TMPRSS15: variants seen among roughly 807,000 people sequenced by gnomAD.
TMPRSS15 encodes enteropeptidase.
TMPRSS15 carries 128 observed loss-of-function variants against 125.3 expected under a neutral mutation model. The observed-to-expected ratio is 1.02, with a 90% CI of 0.89 to 1.18. The LOEUF is 1.18. TMPRSS15 is among the 50% of genes most tolerant of loss of function. The pLI is 0.00. For synonymous variants in TMPRSS15, 446 were observed against 423.2 expected (o/e 1.05, Z -0.66); for missense variants, 1,283 against 1,212.7 (o/e 1.06, Z -0.86).
At chr21:18,443,961 C>T (rs1354452314) in intron 1 of TMPRSS15, among the ~76,000 whole-genome samples, 1 of 152,150 alleles carries the variant, frequency 6.6e-6, no homozygotes, top group Non-Finnish European at 1.5e-5. Context: ...GTGGGCAATT[C>T]CTGCTAGAGC....
At chr21:18,398,103 C>T in intron 2 of TMPRSS15, 96 bp downstream of exon 2, 1 of 1,461,150 alleles carries the variant, frequency 6.8e-7, no homozygotes, top group Non-Finnish European at 9.6e-7. Context: ...GGGCATATTA[C>T]ATTTATTCTC....
intron 14 of TMPRSS15, 98 bp from the exon 15 acceptor site, chr21:18,329,392 C>A (rs1016589508): frequency 7.8e-7 from 1 of 1,286,238 alleles, no homozygotes; most frequent in South Asian, 1.5e-5. Context: ...AAAAAAAAAT[C>A]AATTTTTTTT....
chr21:18,443,494 C>T (rs780818100), intron 1 of TMPRSS15, among the ~76,000 whole-genome samples: 1 of 152,192 alleles, frequency 6.6e-6, no homozygotes, highest in Non-Finnish European at 1.5e-5. Flanking sequence ...CCCCGGTCTC[C>T]CCACTGCACT....
chr21:18,319,422 A>AT (rs35796863), intron 16 of TMPRSS15, among the ~76,000 whole-genome samples: 22,186 of 105,204 alleles, frequency 0.21, 2,875 homozygotes, highest in South Asian at 0.31. Flanking sequence ...TTCTTCACCG[A>AT]TTTTTTTTTT....
chr21:18,362,247 G>T (rs1201376870), intron 7 of TMPRSS15, among the ~76,000 whole-genome samples: 1 of 152,156 alleles, frequency 6.6e-6, no homozygotes, highest in Non-Finnish European at 1.5e-5. Context: ...GACCTTTAGA[G>T]AATCTGGAGT....
At chr21:18,311,017 G>T (rs890266592) in intron 18 of TMPRSS15, among the ~76,000 whole-genome samples, 7 of 149,482 alleles carry the variant, frequency 4.7e-5, no homozygotes, top group Non-Finnish European at 8.8e-5. Flanking sequence ...ATGATGCTGG[G>T]AAAACTGGAT....
intron 3 of TMPRSS15, among the ~76,000 whole-genome samples, chr21:18,396,746 C>T (rs1055927862): frequency 2.1e-5 from 3 of 144,992 alleles, no homozygotes; most frequent in African/African-American, 7.7e-5. Context: ...TGCACTCCAG[C>T]CTGGGCGACA....
rs9978711 is a variant in TMPRSS15, at chr21:18,335,155, T to C, written c.1565-2982A>G. Reference sequence around the variant, plus strand: ...TGCTATGAAATACTTCTTTTAAACCTTAATGAGACCAGTGAAGGAGGGAAT... The same window carrying C: ...TGCTATGAAATACTTCTTTTAAACCCTAATGAGACCAGTGAAGGAGGGAAT... On this transcript the variant is annotated intron_variant, in intron 13 of 24. Transcript: ENST00000284885. 4.4e-3 allele frequency among the ~76,000 whole-genome samples: 665 copies of C among 152,268 alleles called. 4 individuals are homozygous for C. Among genetic ancestry groups the C allele is most frequent in the African/African-American group, 0.015 (639 of 41,558 alleles).
chr21:18,405,085 T>C (rs1253108428), upstream of TMPRSS15, among the ~76,000 whole-genome samples: 1 of 152,122 alleles, frequency 6.6e-6, no homozygotes, highest in Non-Finnish European at 1.5e-5. Context: ...CAATGACTGT[T>C]TTCTTTGTAT....
At chr21:18,449,379 T>C (rs1163042980) in intron 1 of TMPRSS15, among the ~76,000 whole-genome samples, 1 of 152,252 alleles carries the variant, frequency 6.6e-6, no homozygotes, top group East Asian at 1.9e-4. Flanking sequence ...GTGGTACATG[T>C]GTCTTCTGAC....
At chr21:18,372,168 G>A in intron 6 of TMPRSS15, 25 bp downstream of exon 6, 2 of 1,575,082 alleles carry the variant, frequency 1.3e-6, no homozygotes, top group Non-Finnish European at 1.7e-6. Context: ...AAACAGAAGG[G>A]GAGAGAGTAG....
chr21:18,321,381 C>T (rs1232878671), intron 16 of TMPRSS15, among the ~76,000 whole-genome samples: 1 of 106,080 alleles, frequency 9.4e-6, no homozygotes, highest in Non-Finnish European at 1.7e-5. Context: ...GAGACGGAGT[C>T]TCACTCTGTC....
intron 1 of TMPRSS15, among the ~76,000 whole-genome samples, chr21:18,440,985 TA>T (rs201771293): frequency 5.9e-5 from 9 of 151,962 alleles, no homozygotes; most frequent in South Asian, 4.2e-4. Context: ...GAAATTCTTG[TA>T]AAAAAAATAG....
intron 6 of TMPRSS15, among the ~76,000 whole-genome samples, chr21:18,369,293 A>G (rs1210284930): frequency 1.3e-5 from 2 of 152,200 alleles, no homozygotes; most frequent in African/African-American, 4.8e-5. Context: ...ATATAAATCA[A>G]ACATGATCTA....
chr21:18,352,117 A>G (rs2075575832), intron 10 of TMPRSS15, among the ~76,000 whole-genome samples: 1 of 151,872 alleles, frequency 6.6e-6, no homozygotes, highest in African/African-American at 2.4e-5. Context: ...AAGATTTGTA[A>G]CTCTCACTTC....
chr21:18,317,163 C>A (rs765751852), intron 16 of TMPRSS15, among the ~76,000 whole-genome samples: 11 of 151,962 alleles, frequency 7.2e-5, no homozygotes, highest in Admixed American at 5.2e-4. Flanking sequence ...TCCATGGAGA[C>A]TTTCTGAATT....
chr21:18,402,396 G>A (rs556493831), intron 1 of TMPRSS15, among the ~76,000 whole-genome samples: 3 of 152,048 alleles, frequency 2.0e-5, no homozygotes, highest in African/African-American at 7.2e-5. Flanking sequence ...GGGCGTGATG[G>A]CGCGCACCTG....
At chr21:18,475,195 T>A (rs954818642) in intron 1 of TMPRSS15, among the ~76,000 whole-genome samples, 2 of 152,160 alleles carry the variant, frequency 1.3e-5, no homozygotes, top group African/African-American at 2.4e-5. Context: ...TAAATGCCAA[T>A]CCCAAACTAC....
chr21:18,396,773 C>CAA (rs766409350), intron 3 of TMPRSS15, among the ~76,000 whole-genome samples: 1,901 of 45,598 alleles, frequency 0.042, 18 homozygotes, highest in African/African-American at 0.055. Context: ...GACTCTGTCT[C>CAA]AAAAAAAAAA....
Sources: gnomAD v4.1 joint callset for allele counts (sites outside exome capture counted in the v4.1 genomes callset) on GRCh38, gnomAD v4.1.1 for gene constraint, MANE v1.5 for transcripts, NCBI Gene and HGNC (gene_info 2026-07-23, HGNC 2026-07-21) for gene names.